The following CALN1 variants were observed in gnomAD, a reference collection of about 807,000 sequenced individuals.
CALN1 encodes calcium-binding protein 8.
A neutral mutation model predicts 30.6 loss-of-function variants in CALN1; 17 were observed. The ratio of observed to expected loss-of-function variants is 0.56; its 90% CI spans 0.38 to 0.83. The LOEUF (loss-of-function observed/expected upper bound fraction) is 0.83, where lower values mean the gene tolerates loss of function less well. CALN1 is among the 40% of genes least tolerant of loss of function. CALN1 has a pLI of 0.00. For missense variants in CALN1, 291 were observed against 354.9 expected (o/e 0.82, Z 1.45); for synonymous variants, 156 against 131.4 (o/e 1.19, Z -1.28).
rs142426266 is a variant in CALN1 at position 71,947,665 on chromosome 7, G to A, written c.501+75992C>T. On this transcript the variant is annotated intron_variant, in intron 5 of 6. Coordinates refer to ENST00000395275, the MANE Select transcript of CALN1 (RefSeq NM_031468.4). ...TACAATTTTTAAAAATTGCTGCCGG[G>A]CATGGAGGCTCACACCTGTAATCCC... Among the ~76,000 whole-genome samples the A allele has an allele frequency of 7.2e-5, 11 of 152,222 alleles. No individual in the cohort carries two copies. The East Asian group carries it at 1.9e-3, about 27-fold the overall frequency.
intron 5 of CALN1, among the ~76,000 whole-genome samples, chr7:71,928,052 C>T (rs772896784): frequency 6.6e-6 from 1 of 152,178 alleles, no homozygotes. Flanking sequence ...CCTTAGAGGA[C>T]TGACCTTGGT....
chr7:72,254,431 C>T (rs1034255270), intron 3 of CALN1, among the ~76,000 whole-genome samples: 3 of 152,128 alleles, frequency 2.0e-5, no homozygotes, highest in Non-Finnish European at 2.9e-5. Context: ...GCATGAGTCC[C>T]CTGCCTGGAT....
At chr7:72,208,142 G>A (rs1200040486) in intron 3 of CALN1, among the ~76,000 whole-genome samples, 1 of 152,160 alleles carries the variant, frequency 6.6e-6, no homozygotes, top group Non-Finnish European at 1.5e-5. Context: ...GCCTCAGATG[G>A]CATTCACTTA....
chr7:72,342,325 T>G (rs534946470), intron 2 of CALN1, among the ~76,000 whole-genome samples: 190 of 152,164 alleles, frequency 1.2e-3, no homozygotes, highest in African/African-American at 4.5e-3. Context: ...TTCTGCAGTT[T>G]CTTGGTCTTC....
At chr7:71,863,090 A>G (rs963322785) in intron 5 of CALN1, among the ~76,000 whole-genome samples, 3 of 151,678 alleles carry the variant, frequency 2.0e-5, no homozygotes, top group African/African-American at 7.3e-5. Context: ...GGAGACCCCT[A>G]TATCTACAAA....
intron 2 of CALN1, among the ~76,000 whole-genome samples, chr7:72,365,666 A>G (rs1255770409): frequency 6.6e-6 from 1 of 152,110 alleles, no homozygotes; most frequent in Non-Finnish European, 1.5e-5. Context: ...TCTGAGCCCA[A>G]GGGATCATCC....
chr7:72,485,640 G>A, the CALN1 span, among the ~76,000 whole-genome samples: 3 of 152,224 alleles, frequency 2.0e-5, no homozygotes, highest in Non-Finnish European at 4.4e-5. Flanking sequence ...GGGAGGCCCA[G>A]GCGGCAGACC....
At chr7:72,014,972 T>C (rs974367919) in intron 5 of CALN1, among the ~76,000 whole-genome samples, 4 of 152,218 alleles carry the variant, frequency 2.6e-5, no homozygotes, top group African/African-American at 4.8e-5. Flanking sequence ...TTTGTTAGCT[T>C]TTTAAATATT....
At chr7:72,456,525 G>A in the CALN1 span, among the ~76,000 whole-genome samples, 2 of 151,974 alleles carry the variant, frequency 1.3e-5, no homozygotes, top group Non-Finnish European at 2.9e-5. Context: ...GAGACAGAAT[G>A]AGACCCTGTC....
At chr7:72,310,127 A>C (rs1242329145) in intron 2 of CALN1, among the ~76,000 whole-genome samples, 2 of 151,858 alleles carry the variant, frequency 1.3e-5, no homozygotes, top group African/African-American at 4.8e-5. Flanking sequence ...GCAACCCTTA[A>C]GTCTCTAGAT....
chr7:72,319,270 A>G (rs1479896535), intron 2 of CALN1, among the ~76,000 whole-genome samples: 5 of 152,204 alleles, frequency 3.3e-5, no homozygotes, highest in African/African-American at 1.2e-4. Flanking sequence ...CCACAGACTC[A>G]CGGTTCCACA....
At chr7:72,357,588 C>G (rs1803309534) in intron 2 of CALN1, among the ~76,000 whole-genome samples, 1 of 151,646 alleles carries the variant, frequency 6.6e-6, no homozygotes, top group Non-Finnish European at 1.5e-5. Context: ...TTTAAATACA[C>G]AAATGAGACT....
chr7:72,296,698 C>T (rs1295740760), intron 2 of CALN1, among the ~76,000 whole-genome samples: 2 of 146,418 alleles, frequency 1.4e-5, no homozygotes, highest in African/African-American at 2.5e-5. Flanking sequence ...TCTGTGGGAT[C>T]GGTGGTGATA....
At chr7:71,983,603 C>A (rs1798513827) in intron 5 of CALN1, among the ~76,000 whole-genome samples, 1 of 151,956 alleles carries the variant, frequency 6.6e-6, no homozygotes, top group Admixed American at 6.6e-5. Context: ...GTGATCTTGG[C>A]TCACTGCAGC....
chr7:72,406,194 T>C (rs1282302282), intron 1 of CALN1, among the ~76,000 whole-genome samples: 2 of 152,196 alleles, frequency 1.3e-5, no homozygotes, highest in African/African-American at 2.4e-5. Context: ...CACAGCTGCC[T>C]GCTGGCGTAA....
intron 2 of CALN1, among the ~76,000 whole-genome samples, chr7:72,343,309 GGC>G (rs1362361230): frequency 6.6e-6 from 1 of 152,184 alleles, no homozygotes. Context: ...TGTAATCCCA[GGC>G]CGACGCGGGT....
chr7:72,128,311 C>T (rs1030854312), intron 3 of CALN1, among the ~76,000 whole-genome samples: 11 of 151,994 alleles, frequency 7.2e-5, no homozygotes, highest in East Asian at 1.9e-4. Flanking sequence ...TAGTATATAA[C>T]GAGTGACACT....
At chr7:71,816,997 T>C (rs1423120848) in intron 5 of CALN1, among the ~76,000 whole-genome samples, 6 of 152,196 alleles carry the variant, frequency 3.9e-5, no homozygotes, top group Admixed American at 6.5e-5. Context: ...GTTTTGGAGA[T>C]CTGGGTCATG....
intron 5 of CALN1, among the ~76,000 whole-genome samples, chr7:71,940,589 C>T (rs1796074330): frequency 6.6e-6 from 1 of 152,038 alleles, no homozygotes; most frequent in African/African-American, 2.4e-5. Context: ...TTTTATAGTT[C>T]TTCTTCTGTT....
Sources: allele counts gnomAD v4.1 joint callset (sites outside exome capture counted in the v4.1 genomes callset), GRCh38; gene constraint gnomAD v4.1.1; transcripts MANE v1.5; gene names NCBI Gene and HGNC (gene_info 2026-07-23, HGNC 2026-07-21).